SYNPO2: variants seen among roughly 807,000 people sequenced by gnomAD.
SYNPO2 encodes the protein synaptopodin-2.
Under a neutral mutation model 85.0 loss-of-function variants are expected in SYNPO2, and 56 were observed. The ratio of observed to expected loss-of-function variants is 0.66; its 90% CI spans 0.53 to 0.82. The LOEUF is 0.82. Ranked by LOEUF, SYNPO2 falls within the 40% of genes least tolerant of loss-of-function variation. The pLI is 0.00. For synonymous variants in SYNPO2, 602 were observed against 591.1 expected (o/e 1.02, Z -0.27); for missense variants, 1,575 against 1,534.2 (o/e 1.03, Z -0.44).
intron 1 of SYNPO2, among the ~76,000 whole-genome samples, chr4:118,959,619 G>A (rs900251167): frequency 6.7e-6 from 1 of 149,546 alleles, no homozygotes; most frequent in Non-Finnish European, 1.5e-5. Flanking sequence ...AGAAACCTAG[G>A]AGATTCAGAA....
chr4:118,928,283 C>G (rs1430531842), intron 1 of SYNPO2, among the ~76,000 whole-genome samples: 3 of 152,108 alleles, frequency 2.0e-5, no homozygotes, highest in Non-Finnish European at 4.4e-5. Context: ...GCTAATTGGT[C>G]AGAATCAAAA....
At chr4:118,957,788 C>T (rs1270374503) in intron 1 of SYNPO2, among the ~76,000 whole-genome samples, 2 of 152,158 alleles carry the variant, frequency 1.3e-5, no homozygotes, top group African/African-American at 4.8e-5. Flanking sequence ...AATGACTCAG[C>T]GTGTCTGTTA....
At chr4:119,034,847 C>T in intron 4 of SYNPO2, 1 of 985,512 alleles carries the variant, frequency 1.0e-6, no homozygotes, top group Non-Finnish European at 1.2e-6. Context: ...CAGACGTCAG[C>T]CTCCCTCCCA....
chr4:118,980,074 A>G (rs1425595521), intron 1 of SYNPO2, among the ~76,000 whole-genome samples: 1 of 152,218 alleles, frequency 6.6e-6, no homozygotes, highest in Admixed American at 6.5e-5. Flanking sequence ...TGCGGTTTTT[A>G]AGCTAACTTA....
intron 4 of SYNPO2, chr4:119,043,427 TA>T (rs1738779738): frequency 6.6e-6 from 1 of 152,164 alleles, no homozygotes; most frequent in Non-Finnish European, 1.5e-5. Context: ...GAATTAATAC[TA>T]AAAGTGAAAA....
chr4:118,958,991 T>C (rs1734975503), intron 1 of SYNPO2, among the ~76,000 whole-genome samples: 1 of 152,212 alleles, frequency 6.6e-6, no homozygotes, highest in African/African-American at 2.4e-5. Flanking sequence ...GTAAGACAGA[T>C]GACATTTTGA....
chr4:118,884,507 A>G (rs1339850465), upstream of SYNPO2, among the ~76,000 whole-genome samples: 3 of 152,100 alleles, frequency 2.0e-5, no homozygotes, highest in Admixed American at 6.5e-5. Context: ...TTAAGGAGGA[A>G]TAATTACTCT....
chr4:118,900,725 A>ATGTCTGTC (rs1732718835), intron 1 of SYNPO2, among the ~76,000 whole-genome samples: 1 of 104,420 alleles, frequency 9.6e-6, no homozygotes, highest in African/African-American at 3.4e-5. Context: ...ATATATATAT[A>ATGTCTGTC]TATATATGTC....
intron 1 of SYNPO2, among the ~76,000 whole-genome samples, chr4:119,022,723 TA>T (rs1737780459): frequency 6.4e-5 from 4 of 62,456 alleles, no homozygotes; most frequent in Non-Finnish European, 1.1e-4. Flanking sequence ...TATTTTATTT[TA>T]ATTTTATTTT....
chr4:118,976,655 C>G (rs543875982), intron 1 of SYNPO2, among the ~76,000 whole-genome samples: 15 of 152,136 alleles, frequency 9.9e-5, no homozygotes, highest in Admixed American at 2.6e-4. Flanking sequence ...ACAGAGTTTC[C>G]ACACACAGGT....
At chr4:118,915,045 C>T (rs1345654174) in intron 1 of SYNPO2, among the ~76,000 whole-genome samples, 1 of 150,084 alleles carries the variant, frequency 6.7e-6, no homozygotes, top group Admixed American at 6.7e-5. Flanking sequence ...TGAATAAGGT[C>T]ACTGTCTGAA....
In SYNPO2 at chr4:118,853,998, A is replaced by T. The variant is rs555218857; in HGVS notation, c.12+3058A>T. Reference sequence around the variant, plus strand: ...GTTATTTTGTTGTCAATGCTTTTTTAAAAAAATGCAATAAACTCTCCTGGC... The same window carrying T: ...GTTATTTTGTTGTCAATGCTTTTTTTAAAAAATGCAATAAACTCTCCTGGC... On this transcript the variant is annotated intron_variant, in intron 1 of 4. Transcript: ENST00000610556. 7.9e-5 allele frequency among the ~76,000 whole-genome samples: 12 copies of T among 152,244 alleles called. No homozygotes were observed. The South Asian group carries it at 1.2e-3, about 16-fold the overall frequency.
chr4:119,006,859 C>T (rs1476165113), intron 1 of SYNPO2, among the ~76,000 whole-genome samples: 2 of 151,956 alleles, frequency 1.3e-5, no homozygotes, highest in East Asian at 1.9e-4. Flanking sequence ...TTTCACTCTA[C>T]GTTTATTAGC....
intron 1 of SYNPO2, among the ~76,000 whole-genome samples, chr4:118,947,086 T>C (rs1734529439): frequency 1.3e-5 from 2 of 152,230 alleles, no homozygotes; most frequent in Admixed American, 1.3e-4. Flanking sequence ...ATTGGTGTTT[T>C]ATGTTTTACA....
chr4:119,027,515 T>G, intron 3 of SYNPO2, 77 bp downstream of exon 3: 1 of 1,321,322 alleles, frequency 7.6e-7, no homozygotes, highest in Non-Finnish European at 1.0e-6. Flanking sequence ...CATGAGTTTT[T>G]CAGCAAGATT....
chr4:118,968,663 G>T (rs1377978403), intron 1 of SYNPO2, among the ~76,000 whole-genome samples: 2 of 152,216 alleles, frequency 1.3e-5, no homozygotes, highest in Non-Finnish European at 2.9e-5. Context: ...AGTGTCTTCT[G>T]GGAGTCCCTG....
At chr4:118,885,135 G>GTTC (rs1732175147), upstream of SYNPO2, among the ~76,000 whole-genome samples, 1 of 152,230 alleles carries the variant, frequency 6.6e-6, no homozygotes, top group East Asian at 1.9e-4. Flanking sequence ...GTACTTCTGT[G>GTTC]TGTCTGAATC....
intron 1 of SYNPO2, among the ~76,000 whole-genome samples, chr4:118,939,653 T>G (rs1401689978): frequency 6.6e-6 from 1 of 152,220 alleles, no homozygotes; most frequent in Non-Finnish European, 1.5e-5. Flanking sequence ...CACATAGTGC[T>G]CATATTCCAG....
chr4:118,963,862 A>G (rs1735198058), intron 1 of SYNPO2, among the ~76,000 whole-genome samples: 1 of 152,176 alleles, frequency 6.6e-6, no homozygotes, highest in Non-Finnish European at 1.5e-5. Context: ...ATATTTAACC[A>G]TTGCCTCTAG....
Sources: allele counts gnomAD v4.1 joint callset (sites outside exome capture counted in the v4.1 genomes callset), GRCh38; gene constraint gnomAD v4.1.1; transcripts MANE v1.5; gene names NCBI Gene and HGNC (gene_info 2026-07-23, HGNC 2026-07-21).